HPSE2: variants seen among roughly 807,000 people sequenced by gnomAD.
HPSE2 encodes heparanase 2 (inactive), also known as inactive heparanase-2.
A neutral mutation model predicts 60.5 loss-of-function variants in HPSE2; 38 were observed. The ratio of observed to expected loss-of-function variants is 0.63; its 90% CI spans 0.48 to 0.82. The LOEUF (loss-of-function observed/expected upper bound fraction) is 0.82, where lower values mean the gene tolerates loss of function less well. HPSE2 is among the 40% of genes least tolerant of loss of function. HPSE2 has a pLI of 0.00. For missense variants in HPSE2, 713 were observed against 740.4 expected (o/e 0.96, Z 0.43); for synonymous variants, 295 against 293.2 (o/e 1.01, Z -0.06).
At chr10:99,109,249 G>A (rs550063524) in intron 3 of HPSE2, among the ~76,000 whole-genome samples, 1 of 152,218 alleles carries the variant, frequency 6.6e-6, no homozygotes, top group Admixed American at 6.5e-5. Context: ...TTAGATTTTA[G>A]TCCCACCTAC....
chr10:98,754,974 G>T (rs956440991), intron 3 of HPSE2, among the ~76,000 whole-genome samples: 1 of 140,216 alleles, frequency 7.1e-6, no homozygotes, highest in Non-Finnish European at 1.6e-5. Context: ...AATCAAGTCT[G>T]CATAAACACC....
intron 5 of HPSE2, among the ~76,000 whole-genome samples, chr10:98,715,227 T>C (rs368119276): frequency 4.9e-4 from 75 of 152,094 alleles, no homozygotes; most frequent in Middle Eastern, 3.4e-3. Flanking sequence ...TTATCACATT[T>C]GCCTTTAGTG....
intron 6 of HPSE2, among the ~76,000 whole-genome samples, chr10:98,692,714 A>G (rs1302801843): frequency 1.3e-5 from 2 of 152,140 alleles, no homozygotes; most frequent in Non-Finnish European, 1.5e-5. Context: ...GCTTGCAGTG[A>G]GCCGAGATCG....
At chr10:98,546,140 A>T (rs538929117) in intron 9 of HPSE2, among the ~76,000 whole-genome samples, 1 of 136,378 alleles carries the variant, frequency 7.3e-6, no homozygotes, top group African/African-American at 2.5e-5. Flanking sequence ...GCCACTGCTC[A>T]ATGAAATAAA....
At chr10:99,009,851 T>A (rs1956972740) in intron 3 of HPSE2, among the ~76,000 whole-genome samples, 1 of 152,224 alleles carries the variant, frequency 6.6e-6, no homozygotes, top group African/African-American at 2.4e-5. Context: ...CCATTAATTA[T>A]CAACATCATT....
intron 3 of HPSE2, among the ~76,000 whole-genome samples, chr10:98,866,637 G>C (rs1172924469): frequency 2.0e-5 from 3 of 151,982 alleles, no homozygotes; most frequent in African/African-American, 4.8e-5. Context: ...TACCTACAGA[G>C]GAGCAAAGAT....
chr10:98,692,631 TG>T (rs1393158092), intron 6 of HPSE2, among the ~76,000 whole-genome samples: 2 of 151,912 alleles, frequency 1.3e-5, no homozygotes, highest in Admixed American at 1.3e-4. Context: ...TAGCCGGGCA[TG>T]GGGGCGGGCG....
At chr10:99,230,765 G>A (rs1346322424) in intron 2 of HPSE2, among the ~76,000 whole-genome samples, 1 of 151,916 alleles carries the variant, frequency 6.6e-6, no homozygotes, top group East Asian at 1.9e-4. Context: ...GCAATTCCTG[G>A]GGCTCTTACA....
At chr10:99,213,272 T>G (rs1849009784) in intron 2 of HPSE2, among the ~76,000 whole-genome samples, 1 of 152,060 alleles carries the variant, frequency 6.6e-6, no homozygotes, top group Non-Finnish European at 1.5e-5. Flanking sequence ...GAATAAAATA[T>G]TCTGGGTCAT....
chr10:99,167,001 T>TTTTG (rs554070927), intron 2 of HPSE2, among the ~76,000 whole-genome samples: 21,496 of 150,174 alleles, frequency 0.14, 1,901 homozygotes, highest in African/African-American at 0.25. Flanking sequence ...TTTCTTTCCT[T>TTTTG]TTTGTTTGTT....
At chr10:99,115,594 C>T (rs1844657549) in intron 3 of HPSE2, among the ~76,000 whole-genome samples, 1 of 152,088 alleles carries the variant, frequency 6.6e-6, no homozygotes, top group African/African-American at 2.4e-5. Context: ...TACACCTGGC[C>T]TCCTTTAGTG....
At chr10:99,139,127 T>C (rs1845771840) in intron 3 of HPSE2, among the ~76,000 whole-genome samples, 1 of 152,158 alleles carries the variant, frequency 6.6e-6, no homozygotes, top group Admixed American at 6.6e-5. Flanking sequence ...AAATGATGTC[T>C]TTTTCAGCAA....
intron 3 of HPSE2, among the ~76,000 whole-genome samples, chr10:99,141,938 A>G (rs1379755412): frequency 6.6e-6 from 1 of 152,264 alleles, no homozygotes; most frequent in African/African-American, 2.4e-5. Flanking sequence ...GTAACTGACC[A>G]GAAAACAATT....
At chr10:98,758,519 A>G (rs1168369424) in intron 3 of HPSE2, among the ~76,000 whole-genome samples, 4 of 152,208 alleles carry the variant, frequency 2.6e-5, no homozygotes, top group African/African-American at 9.6e-5. Flanking sequence ...AAAATTGGCC[A>G]AAGGGCATGA....
intron 9 of HPSE2, among the ~76,000 whole-genome samples, chr10:98,600,362 G>A (rs991201874): frequency 2.0e-5 from 3 of 152,118 alleles, no homozygotes; most frequent in African/African-American, 7.2e-5. Context: ...AAGAGTTGGT[G>A]GTCTTTGAGA....
At chr10:99,024,710 T>C (rs1957337667) in intron 3 of HPSE2, among the ~76,000 whole-genome samples, 1 of 152,040 alleles carries the variant, frequency 6.6e-6, no homozygotes, top group Admixed American at 6.6e-5. Flanking sequence ...ACATGTCTAA[T>C]AGCAGGCTTT....
intron 8 of HPSE2, among the ~76,000 whole-genome samples, chr10:98,620,138 C>T (rs1234513886): frequency 6.6e-6 from 1 of 152,212 alleles, no homozygotes; most frequent in Non-Finnish European, 1.5e-5. Context: ...GCGGTAAGCA[C>T]CGTATCATTA....
At chr10:98,642,455 ACT>A (rs1410359319) in intron 6 of HPSE2, among the ~76,000 whole-genome samples, 2 of 152,202 alleles carry the variant, frequency 1.3e-5, no homozygotes, top group African/African-American at 2.4e-5. Context: ...GTGGGCGAAC[ACT>A]CTGTAGTCAA....
intron 3 of HPSE2, among the ~76,000 whole-genome samples, chr10:99,010,302 A>G (rs541692267): frequency 6.6e-6 from 1 of 152,346 alleles, no homozygotes; most frequent in South Asian, 2.1e-4. Context: ...ATACTTGGGG[A>G]AAAATGACCA....
Sources: gnomAD v4.1 joint callset for allele counts (sites outside exome capture counted in the v4.1 genomes callset) on GRCh38, gnomAD v4.1.1 for gene constraint, MANE v1.5 for transcripts, NCBI Gene and HGNC (gene_info 2026-07-23, HGNC 2026-07-21) for gene names.